BABAM2: variants seen among roughly 807,000 people sequenced by gnomAD.
The protein encoded by BABAM2 is BRISC and BRCA1-A complex member 2.
Under a neutral mutation model 54.7 loss-of-function variants are expected in BABAM2, and 31 were observed. The ratio of observed to expected loss-of-function variants is 0.57; its 90% CI spans 0.43 to 0.77. The LOEUF (loss-of-function observed/expected upper bound fraction) is 0.77, where lower values mean the gene tolerates loss of function less well. BABAM2 is among the 30% of genes least tolerant of loss of function. The probability of loss-of-function intolerance (pLI) is 0.00; values close to 1 mark genes in which losing one functional copy is unlikely to be tolerated. For missense variants in BABAM2, 364 were observed against 455.8 expected (o/e 0.80, Z 1.83); for synonymous variants, 167 against 162.9 (o/e 1.03, Z -0.19).
At chr2:28,250,908 T>C (rs566871252) in intron 10 of BABAM2, among the ~76,000 whole-genome samples, 2 of 152,350 alleles carry the variant, frequency 1.3e-5, no homozygotes, top group South Asian at 2.1e-4. Context: ...CACAGTCTTA[T>C]GTTTTTAAAA....
intron 11 of BABAM2, among the ~76,000 whole-genome samples, 181 bp downstream of exon 11, chr2:28,298,672 AGT>A (rs1195053574): frequency 1.3e-5 from 2 of 152,248 alleles, no homozygotes; most frequent in African/African-American, 4.8e-5. Context: ...TTAATGCTAC[AGT>A]GGCAGAGTGA....
intron 4 of BABAM2, among the ~76,000 whole-genome samples, chr2:27,993,553 T>C (rs144538526): frequency 2.3e-4 from 35 of 152,262 alleles, no homozygotes; most frequent in African/African-American, 7.9e-4. Flanking sequence ...CCCAAGGTAA[T>C]AATGATAATT....
rs370157491 is a variant in BABAM2, at chr2:27,963,915, C to A, written c.206-24078C>A. On this transcript the variant is annotated intron_variant, in intron 3 of 11. Transcript: ENST00000379624. ...CTGTGACATATGACAAAATTTCATT[C>A]TATCCCAGTAGGTTAGTACGTTGGT... Among the ~76,000 whole-genome samples the A allele has an allele frequency of 1.6e-4, 24 of 152,324 alleles. 1 individual carries two copies. The highest frequency in any genetic ancestry group is 5.8e-4 in the African/African-American group (24 of 41,574).
intron 3 of BABAM2, among the ~76,000 whole-genome samples, chr2:27,964,640 T>C (rs935248522): frequency 1.3e-5 from 2 of 152,154 alleles, no homozygotes; most frequent in African/African-American, 4.8e-5. Flanking sequence ...AACATTAGGG[T>C]GTGTTCGACA....
At chr2:28,235,268 T>G (rs555084574) in intron 7 of BABAM2, among the ~76,000 whole-genome samples, 7 of 151,706 alleles carry the variant, frequency 4.6e-5, no homozygotes, top group African/African-American at 1.2e-4. Flanking sequence ...CTCTACCTCC[T>G]TGGGTGCAAG....
chr2:28,163,454 C>T (rs1673305103), intron 7 of BABAM2, among the ~76,000 whole-genome samples: 1 of 152,124 alleles, frequency 6.6e-6, no homozygotes, highest in Admixed American at 6.5e-5. Context: ...TTTTTCTTGT[C>T]TTGAGGCAGG....
intron 7 of BABAM2, among the ~76,000 whole-genome samples, chr2:28,147,231 A>G (rs1404583380): frequency 3.9e-5 from 6 of 152,206 alleles, no homozygotes; most frequent in African/African-American, 1.4e-4. Context: ...CTCTGTTCAC[A>G]CTGTGCTGTC....
chr2:28,253,696 G>A (rs74584840), intron 10 of BABAM2, among the ~76,000 whole-genome samples: 7,217 of 152,228 alleles, frequency 0.047, 220 homozygotes, highest in Non-Finnish European at 0.059. Context: ...AGAGCTTCAC[G>A]GAAACCCTGT....
chr2:28,248,698 T>C (rs1291850534), intron 10 of BABAM2, among the ~76,000 whole-genome samples: 1 of 152,116 alleles, frequency 6.6e-6, no homozygotes, highest in South Asian at 2.1e-4. Flanking sequence ...GGGGAGACAA[T>C]TGAGTATTGA....
chr2:28,045,670 C>T (rs1677501186), intron 5 of BABAM2, 55 bp from the exon 6 acceptor site: 5 of 1,468,620 alleles, frequency 3.4e-6, no homozygotes, highest in African/African-American at 1.4e-5. Flanking sequence ...CTATAATTGT[C>T]ACTTCATAAT....
chr2:28,025,942 T>TG (rs1675621139), intron 5 of BABAM2, among the ~76,000 whole-genome samples: 1 of 152,222 alleles, frequency 6.6e-6, no homozygotes, highest in African/African-American at 2.4e-5. Context: ...CTTATGTACT[T>TG]CTCTTTTTTT....
intron 7 of BABAM2, among the ~76,000 whole-genome samples, chr2:28,228,174 G>C (rs1323922478): frequency 6.6e-6 from 1 of 152,200 alleles, no homozygotes; most frequent in African/African-American, 2.4e-5. Context: ...TGGAGGTCAA[G>C]CTTTAGCTAC....
At chr2:27,933,417 A>G (rs896630336) in intron 3 of BABAM2, among the ~76,000 whole-genome samples, 4 of 152,056 alleles carry the variant, frequency 2.6e-5, no homozygotes, top group Admixed American at 2.0e-4. Flanking sequence ...CATGGAAACT[A>G]TATTTATAAA....
intron 7 of BABAM2, among the ~76,000 whole-genome samples, chr2:28,137,554 A>AGCCTTG (rs1465801342): frequency 6.6e-6 from 1 of 152,220 alleles, no homozygotes; most frequent in African/African-American, 2.4e-5. Flanking sequence ...TCAAGAGCTC[A>AGCCTTG]GCCTTTGCTT....
chr2:28,213,543 T>G (rs1679662495), intron 7 of BABAM2, among the ~76,000 whole-genome samples: 1 of 152,114 alleles, frequency 6.6e-6, no homozygotes, highest in South Asian at 2.1e-4. Flanking sequence ...ATAAGGAATA[T>G]AATTAATTTC....
intron 11 of BABAM2, among the ~76,000 whole-genome samples, chr2:28,330,088 A>G (rs573779924): frequency 2.0e-5 from 3 of 152,334 alleles, no homozygotes; most frequent in African/African-American, 7.2e-5. Context: ...AAACCACATG[A>G]TTATCTCAAT....
intron 4 of BABAM2, among the ~76,000 whole-genome samples, chr2:28,021,748 A>G (rs906225819): frequency 5.9e-5 from 9 of 152,136 alleles, no homozygotes; most frequent in African/African-American, 2.2e-4. Context: ...CATTTTTATC[A>G]TAAGATTAAT....
chr2:28,305,403 G>T (rs185945221), intron 11 of BABAM2, among the ~76,000 whole-genome samples: 90 of 152,050 alleles, frequency 5.9e-4, no homozygotes, highest in African/African-American at 2.1e-3. Context: ...TCTCGGTCAT[G>T]ATTTTATCCT....
chr2:28,043,323 G>T (rs1350804081), intron 5 of BABAM2, among the ~76,000 whole-genome samples: 3 of 151,912 alleles, frequency 2.0e-5, no homozygotes, highest in East Asian at 3.9e-4. Flanking sequence ...TAGAGACGGG[G>T]TTTCACCATA....
Sources: allele counts gnomAD v4.1 joint callset (sites outside exome capture counted in the v4.1 genomes callset), GRCh38; gene constraint gnomAD v4.1.1; transcripts MANE v1.5; gene names NCBI Gene and HGNC (gene_info 2026-07-23, HGNC 2026-07-21).